Variants in FRMD3 observed in about 807,000 individuals in gnomAD.
FRMD3 encodes FERM domain-containing protein 3.
A neutral mutation model predicts 70.2 loss-of-function variants in FRMD3; 33 were observed. The observed-to-expected ratio is 0.47, with a 90% CI of 0.36 to 0.63. The LOEUF (loss-of-function observed/expected upper bound fraction) is 0.63, where lower values mean the gene tolerates loss of function less well. Ranked by LOEUF, FRMD3 falls within the 20% of genes least tolerant of loss-of-function variation. The pLI is 0.00. For missense variants in FRMD3, 632 were observed against 711.4 expected (o/e 0.89, Z 1.27); for synonymous variants, 279 against 255.9 (o/e 1.09, Z -0.86).
chr9:83,434,922 G>A (rs931424862), intron 1 of FRMD3, among the ~76,000 whole-genome samples: 1 of 148,290 alleles, frequency 6.7e-6, no homozygotes, highest in Non-Finnish European at 1.5e-5. Context: ...TGCCTCCTGG[G>A]TTCAAGTGAT....
rs949542967 is a variant in FRMD3, at chr9:83,453,021, A to C, written c.148-63313T>G. Among the ~76,000 whole-genome samples, 32 of 151,486 alleles carry C rather than the reference A, an allele frequency of 2.1e-4. 1 individual carries two copies. On this transcript the variant is annotated intron_variant, in intron 1 of 13. Transcript: ENST00000304195. ...AGTCATGCACCACCACACCTGGTAA[A>C]TTTTTGTATTGTTTAGTAGACACGG...
intron 1 of FRMD3, among the ~76,000 whole-genome samples, chr9:83,501,204 G>A (rs1056754888): frequency 6.6e-5 from 10 of 152,052 alleles, no homozygotes; most frequent in African/African-American, 2.4e-4. Flanking sequence ...TGAGGCAGGA[G>A]AATGGCATGA....
chr9:83,548,141 C>A, the FRMD3 span, among the ~76,000 whole-genome samples: 2 of 152,156 alleles, frequency 1.3e-5, no homozygotes, highest in African/African-American at 4.8e-5. Context: ...AATGGTACAG[C>A]CACTTTGAAA....
At position 83,247,162 on chromosome 9, in the gene FRMD3, A is replaced by G. The variant is rs968822902; in HGVS notation, c.*756T>C. 3 of 985,244 alleles carry G rather than the reference A, an allele frequency of 3.0e-6. No homozygotes were observed. Among genetic ancestry groups the G allele is most frequent in the Admixed American group, 6.1e-5 (1 of 16,264 alleles). 61.0% of individuals were successfully genotyped at this position (985,244 alleles called of 1,614,324 possible). On this transcript the variant is annotated 3_prime_UTR_variant, in exon 14 of 14. Coordinates refer to ENST00000304195, the MANE Select transcript of FRMD3 (RefSeq NM_174938.6). Reference sequence around the variant, plus strand: ...CACCCTGAGTCCACTTGATGCTCTCAGTTTCTACATCCTCCAGTTCCATCC... The same window carrying G: ...CACCCTGAGTCCACTTGATGCTCTCGGTTTCTACATCCTCCAGTTCCATCC...
intron 13 of FRMD3, among the ~76,000 whole-genome samples, chr9:83,272,396 G>A (rs1462895219): frequency 1.3e-5 from 2 of 152,018 alleles, no homozygotes; most frequent in Admixed American, 6.5e-5. Context: ...ACGGAGTCTC[G>A]TTCACTCAGT....
chr9:83,313,469 T>C (rs568050151), intron 7 of FRMD3, among the ~76,000 whole-genome samples, 191 bp downstream of exon 7: 13 of 152,094 alleles, frequency 8.5e-5, no homozygotes, highest in Non-Finnish European at 1.6e-4. Flanking sequence ...CAATGAACAA[T>C]TGGAAGACTC....
intron 2 of FRMD3, among the ~76,000 whole-genome samples, chr9:83,387,884 T>C (rs1392454057): frequency 1.3e-5 from 2 of 152,162 alleles, no homozygotes; most frequent in Non-Finnish European, 2.9e-5. Flanking sequence ...GATTCTGATT[T>C]AAGAGGTCTG....
At position 83,525,483 on chromosome 9, in the gene FRMD3, T is replaced by C. The variant is rs541710466; in HGVS notation, c.147+12602A>G. ...AAGAGGTATCTGAGATATAAATAAA[T>C]ACTAAATAAAGATAAATTATTGCAG... On this transcript the variant is annotated intron_variant, in intron 1 of 13. Coordinates refer to ENST00000304195, the MANE Select transcript of FRMD3 (RefSeq NM_174938.6). 4.3e-4 allele frequency among the ~76,000 whole-genome samples: 65 copies of C among 152,318 alleles called. 2 individuals are homozygous for C. In the South Asian group the frequency reaches 0.012, roughly 29 times the overall value.
intron 1 of FRMD3, among the ~76,000 whole-genome samples, chr9:83,516,799 G>A (rs565234403): frequency 2.0e-5 from 3 of 152,260 alleles, no homozygotes; most frequent in Admixed American, 2.0e-4. Flanking sequence ...AATCAAATTA[G>A]AACTCAGGAT....
intron 2 of FRMD3, among the ~76,000 whole-genome samples, chr9:83,385,288 C>A (rs775520637): frequency 1.4e-4 from 22 of 152,028 alleles, no homozygotes; most frequent in Non-Finnish European, 2.9e-4. Context: ...GGAGAGAATA[C>A]CACCCACTTT....
Position 83,247,319 on chromosome 9 carries a change from A to C in FRMD3, c.*599T>G. On this transcript the variant is annotated 3_prime_UTR_variant, in exon 14 of 14. Coordinates refer to ENST00000304195, the MANE Select transcript of FRMD3 (RefSeq NM_174938.6). Reference sequence around the variant, plus strand: ...CAAAGTAGCGCCAAAACATTAAAAAAATTCTGATATACCTTTTGTGCATTA... The same window carrying C: ...CAAAGTAGCGCCAAAACATTAAAAACATTCTGATATACCTTTTGTGCATTA... 2.0e-6 allele frequency: 2 copies of C among 984,884 alleles called. No homozygotes were observed. The highest frequency in any genetic ancestry group is 2.4e-6 in the Non-Finnish European group (2 of 829,566). The allele number at this position is 984,884 out of a possible 1,614,324, so 61.0% of individuals were successfully genotyped here. A position where few individuals can be genotyped will look rare whatever the true frequency, so the allele number is the denominator to read the frequency against.
downstream of FRMD3, among the ~76,000 whole-genome samples, chr9:83,243,653 C>G (rs557677350): frequency 3.9e-5 from 6 of 152,258 alleles, no homozygotes; most frequent in African/African-American, 1.4e-4. Flanking sequence ...CATCTGAATG[C>G]TAATCACTGA....
intron 2 of FRMD3, among the ~76,000 whole-genome samples, chr9:83,384,696 G>T (rs960773879): frequency 3.3e-5 from 5 of 152,076 alleles, no homozygotes; most frequent in African/African-American, 1.2e-4. Flanking sequence ...CTAGCATCTG[G>T]TAGACATTAA....
chr9:83,524,366 T>C (rs777530763), intron 1 of FRMD3, among the ~76,000 whole-genome samples: 1 of 152,196 alleles, frequency 6.6e-6, no homozygotes, highest in Non-Finnish European at 1.5e-5. Context: ...GATGACAAAA[T>C]ACTCATATAA....
At chr9:83,297,454 T>C (rs1251383352) in intron 12 of FRMD3, 10 of 221,150 alleles carry the variant, frequency 4.5e-5, no homozygotes, top group Non-Finnish European at 9.2e-5. Context: ...ACTTAACTTG[T>C]GTGAGACTCA....
chr9:83,289,847 G>A (rs894681854), intron 13 of FRMD3, among the ~76,000 whole-genome samples: 1 of 152,234 alleles, frequency 6.6e-6, no homozygotes, highest in African/African-American at 2.4e-5. Context: ...AATGTGAGAT[G>A]TCTGCAGGTG....
chr9:83,304,314 A>G (rs772170770), intron 10 of FRMD3, among the ~76,000 whole-genome samples: 3 of 152,218 alleles, frequency 2.0e-5, no homozygotes, highest in African/African-American at 7.2e-5. Context: ...GGTGATGTTA[A>G]TGTAGTCAGG....
chr9:83,379,003 A>C (rs1316800847), intron 2 of FRMD3, among the ~76,000 whole-genome samples: 3 of 150,540 alleles, frequency 2.0e-5, no homozygotes, highest in Non-Finnish European at 4.4e-5. Flanking sequence ...GCTGTGATTA[A>C]CTGTGTGAGC....
rs1299228332 is a variant in FRMD3 at position 83,357,231 on chromosome 9, TATATATAATACATAC to T, written c.296-7489_296-7475del. Among the ~76,000 whole-genome samples, 4 of 11,624 alleles carry T rather than the reference TATATATAATACATAC, an allele frequency of 3.4e-4. 1 individual carries two copies. Among genetic ancestry groups the T allele is most frequent in the East Asian group, 0.016 (1 of 62 alleles). The allele number at this position is 11,624 out of a possible 152,430, so 7.6% of individuals were successfully genotyped here. The stretch of plus-strand genomic sequence containing the variant: ...ATACATGGAATATATATATTTTATA[TATATATAATACATAC>T]ATATATATATATATATATATATATA... On this transcript the variant is annotated intron_variant, in intron 3 of 13. Coordinates refer to ENST00000304195, the MANE Select transcript of FRMD3 (RefSeq NM_174938.6).
Sources: allele counts gnomAD v4.1 joint callset (sites outside exome capture counted in the v4.1 genomes callset), GRCh38; gene constraint gnomAD v4.1.1; transcripts MANE v1.5; gene names NCBI Gene and HGNC (gene_info 2026-07-23, HGNC 2026-07-21).